Variants in CLTCL1 observed in about 807,000 individuals in gnomAD.
CLTCL1 encodes clathrin heavy chain like 1.
CLTCL1 carries 159 observed loss-of-function variants against 190.0 expected under a neutral mutation model. That is an observed-to-expected ratio of 0.84 (90% CI 0.74 to 0.95). The LOEUF is 0.95. CLTCL1 is among the 40% of genes least tolerant of loss of function. The pLI, the probability that CLTCL1 is intolerant of heterozygous loss-of-function variation, is 0.00. For missense variants in CLTCL1, 1,878 were observed against 2,033.4 expected, an observed-to-expected ratio of 0.92 and a Z score of 1.47; for synonymous variants, 752 against 769.6, an observed-to-expected ratio of 0.98 and a Z score of 0.38.
At chr22:19,222,637 C>T (rs935634393) in intron 15 of CLTCL1, 47 bp downstream of exon 15, 1 of 1,567,858 alleles carries the variant, frequency 6.4e-7, no homozygotes, top group Non-Finnish European at 8.7e-7. Context: ...CTGCCACTGA[C>T]TGGGGCCCAG....
intron 24 of CLTCL1, 22 bp from the exon 25 acceptor site, chr22:19,196,678 G>C (rs377281501): frequency 1.9e-6 from 3 of 1,599,312 alleles, no homozygotes; most frequent in Admixed American, 3.4e-5. Context: ...ACAGCCACGC[G>C]TGGGGCAGAG....
intron 1 of CLTCL1, among the ~76,000 whole-genome samples, chr22:19,285,350 G>A (rs1401861282): frequency 6.6e-6 from 1 of 152,144 alleles, no homozygotes; most frequent in African/African-American, 2.4e-5. Flanking sequence ...CTCTGTAAAT[G>A]AGGGCCTATG....
At chr22:19,181,470 A>G (rs1303025229) in intron 30 of CLTCL1, 1 of 152,378 alleles carries the variant, frequency 6.6e-6, no homozygotes, top group Non-Finnish European at 1.5e-5. Flanking sequence ...TGTGCCCCCC[A>G]TGAGCTGGGG....
intron 3 of CLTCL1, among the ~76,000 whole-genome samples, chr22:19,248,900 G>A (rs1056762623): frequency 2.6e-5 from 4 of 152,090 alleles, no homozygotes; most frequent in African/African-American, 7.2e-5. Context: ...AGGTCTGATC[G>A]ATTTTGAGTT....
At chr22:19,199,946 G>A in intron 23 of CLTCL1, 105 bp from the exon 24 acceptor site, 1 of 663,656 alleles carries the variant, frequency 1.5e-6, no homozygotes, top group Non-Finnish European at 2.6e-6. Flanking sequence ...CCAGCAGTGG[G>A]GTATTTTAAG....
chr22:19,211,319 G>A (rs1203096239), intron 19 of CLTCL1, among the ~76,000 whole-genome samples: 6 of 152,134 alleles, frequency 3.9e-5, no homozygotes, highest in Admixed American at 1.3e-4. Flanking sequence ...ACAGAGTCTG[G>A]ACACTTTCCC....
chr22:19,246,509 T>C (rs1555968064), intron 3 of CLTCL1, among the ~76,000 whole-genome samples: 1 of 151,320 alleles, frequency 6.6e-6, no homozygotes. Context: ...GGAGTTTCGC[T>C]CTTGTTGCCC....
rs5748078 is a variant in CLTCL1, at chr22:19,258,932, T to G, written c.251-4705A>C. On this transcript the variant is annotated intron_variant, in intron 2 of 32. Coordinates refer to ENST00000427926, the MANE Select transcript of CLTCL1 (RefSeq NM_007098.4). The stretch of plus-strand genomic sequence containing the variant: ...AACATAGGGGAAAAGCTTGATGACA[T>G]TGGATCTTGCAATGATTTTTTTGGA... 4.0e-5 allele frequency: 15 copies of G among 379,720 alleles called. No individual in the cohort carries two copies. The East Asian group carries it at 6.6e-4, about 17-fold the overall frequency. 23.5% of individuals were successfully genotyped at this position (379,720 alleles called of 1,614,324 possible). A position where few individuals can be genotyped will look rare whatever the true frequency, so the allele number is the denominator to read the frequency against.
intron 2 of CLTCL1, chr22:19,258,412 T>G (rs1485624182): frequency 5.0e-6 from 2 of 401,306 alleles, no homozygotes; most frequent in Non-Finnish European, 9.5e-6. Context: ...CTCACAGAGC[T>G]GAGATGTCCA....
intron 15 of CLTCL1, 21 bp downstream of exon 15, chr22:19,222,663 A>T: frequency 6.3e-7 from 1 of 1,582,352 alleles, no homozygotes; most frequent in Non-Finnish European, 8.6e-7. Context: ...GCCGGGTGTC[A>T]CTCCAGGGAG....
rs1555993745 is a variant in CLTCL1 at position 19,291,554 on chromosome 22, C to T, written c.42+46G>A. 3.0e-6 allele frequency: 4 copies of T among 1,322,718 alleles called. No homozygotes were observed. The South Asian group carries it at 6.0e-5, about 20-fold the overall frequency. 81.9% of individuals were successfully genotyped at this position (1,322,718 alleles called of 1,614,324 possible). A position where few individuals can be genotyped will look rare whatever the true frequency, so the allele number is the denominator to read the frequency against. On this transcript the variant is annotated intron_variant, in intron 1 of 32. Coordinates refer to ENST00000427926, the MANE Select transcript of CLTCL1 (RefSeq NM_007098.4). The stretch of plus-strand genomic sequence containing the variant: ...GGTCAAGCCTGGCAGTCCGGCCCGG[C>T]GGAGGCGCGGCTGACAGGGCAGCCC...
At chr22:19,194,457 G>A (rs1555934325) in intron 26 of CLTCL1, among the ~76,000 whole-genome samples, 1 of 152,202 alleles carries the variant, frequency 6.6e-6, no homozygotes, top group Non-Finnish European at 1.5e-5. Flanking sequence ...ACTCCAGCCT[G>A]AGTGACAGAG....
rs34869740 is a variant in CLTCL1 at position 19,275,743 on chromosome 22, C to A, written c.130G>T (p.Val44Phe). 12,567 of 1,609,886 alleles carry A rather than the reference C, an allele frequency of 7.8e-3. 139 individuals carry two copies. Among genetic ancestry groups the A allele is most frequent in the South Asian group, 0.039 (3,507 of 89,898 alleles). Reference protein sequence around the residue: ...SDKFICIREKVGEQAQVTIID... With the variant: ...SDKFICIREKFGEQAQVTIID... ...ATCGTGACCTGTGCCTGCTCACCAACTTTCTCTCGGATACATATGAACTTG... is the reference window on the plus strand; with the variant it reads ...ATCGTGACCTGTGCCTGCTCACCAAATTTCTCTCGGATACATATGAACTTG... The change falls in exon 2 of 33, where the codon GTT becomes TTT. Residue 44 changes from valine to phenylalanine, a missense_variant. Coordinates refer to ENST00000427926, the MANE Select transcript of CLTCL1 (RefSeq NM_007098.4).
chr22:19,282,311 G>A (rs1214134831), intron 1 of CLTCL1, among the ~76,000 whole-genome samples: 2 of 148,950 alleles, frequency 1.3e-5, no homozygotes, highest in Non-Finnish European at 3.0e-5. Flanking sequence ...CCTGGCGACA[G>A]AGCCAAGACT....
chr22:19,255,884 T>C (rs1183401244), intron 2 of CLTCL1, among the ~76,000 whole-genome samples: 2 of 146,430 alleles, frequency 1.4e-5, no homozygotes, highest in Non-Finnish European at 3.0e-5. Context: ...CACTCTAGCC[T>C]GACCGACAGA....
In CLTCL1 at chr22:19,291,213, T is replaced by C. The variant is rs556785533; in HGVS notation, c.42+387A>G. ...ACGAAAACCGATCACAGAGGCAAAC[T>C]CAGGGGCGAATAAGGACCGCAGGAC... On this transcript the variant is annotated intron_variant, in intron 1 of 32. Coordinates refer to ENST00000427926, the MANE Select transcript of CLTCL1 (RefSeq NM_007098.4). Among the ~76,000 whole-genome samples, 3 of 152,200 alleles carry C rather than the reference T, an allele frequency of 2.0e-5. No individual in the cohort carries two copies. In the East Asian group the frequency reaches 5.8e-4, roughly 29 times the overall value.
chr22:19,291,582 C>A lies in CLTCL1; in HGVS notation c.42+18G>T, dbSNP rs1555993801. The A allele has an allele frequency of 7.3e-7, 1 of 1,370,570 alleles. No individual in the cohort carries two copies. The highest frequency in any genetic ancestry group is 9.5e-7 in the Non-Finnish European group (1 of 1,048,392). 84.9% of individuals were successfully genotyped at this position (1,370,570 alleles called of 1,614,324 possible). ...AGGCGCGGCTGACAGGGCAGCCCCC[C>A]AGCCCGCCGGGCCTCACCTGGAAGT... On this transcript the variant is annotated intron_variant, in intron 1 of 32. Coordinates refer to ENST00000427926, the MANE Select transcript of CLTCL1 (RefSeq NM_007098.4).
intron 3 of CLTCL1, among the ~76,000 whole-genome samples, chr22:19,245,168 T>C (rs2086377360): frequency 6.6e-6 from 1 of 150,910 alleles, no homozygotes; most frequent in Admixed American, 6.6e-5. Context: ...TATGGCCCCA[T>C]GTTCCCCTCT....
intron 27 of CLTCL1, among the ~76,000 whole-genome samples, chr22:19,188,951 C>T (rs562687029): frequency 3.8e-4 from 57 of 151,564 alleles, no homozygotes; most frequent in Middle Eastern, 3.4e-3. Flanking sequence ...GGGCGGGAGA[C>T]GGAGTGCAGT....
Sources: gnomAD v4.1 joint callset for allele counts (sites outside exome capture counted in the v4.1 genomes callset) on GRCh38, gnomAD v4.1.1 for gene constraint, MANE v1.5 for transcripts, NCBI Gene and HGNC (gene_info 2026-07-23, HGNC 2026-07-21) for gene names.